The following UGT8 variants were observed in gnomAD, a reference collection of about 807,000 sequenced individuals.
UGT8 encodes 2-hydroxyacylsphingosine 1-beta-galactosyltransferase.
Under a neutral mutation model 40.5 loss-of-function variants are expected in UGT8, and 12 were observed. That is an observed-to-expected ratio of 0.30 (90% CI 0.19 to 0.48). The LOEUF (loss-of-function observed/expected upper bound fraction) is 0.48, where lower values mean the gene tolerates loss of function less well. Ranked by LOEUF, UGT8 falls within the 20% of genes least tolerant of loss-of-function variation. UGT8 has a pLI of 0.99. For synonymous variants in UGT8, 224 were observed against 240.4 expected (o/e 0.93, Z 0.63); for missense variants, 513 against 648.7 (o/e 0.79, Z 2.27).
chr4:114,677,258 T>C lies in UGT8; in HGVS notation c.*970T>C, dbSNP rs756753432. The C allele has an allele frequency of 2.0e-5, 3 of 152,240 alleles. No homozygotes were observed. The highest frequency in any genetic ancestry group is 4.4e-5 in the Non-Finnish European group (3 of 68,038). 9.4% of individuals were successfully genotyped at this position (152,240 alleles called of 1,614,324 possible). A position where few individuals can be genotyped will look rare whatever the true frequency, so the allele number is the denominator to read the frequency against. On this transcript the variant is annotated 3_prime_UTR_variant, in exon 6 of 6. Coordinates refer to ENST00000310836, the MANE Select transcript of UGT8 (RefSeq NM_001128174.3). ...ATGTAATTTTTGAATGTTCAGGTGT[T>C]ACATTTCCAAAGTTTAACTTTTAAA... is the stretch of plus-strand genomic sequence containing the variant.
chr4:114,634,844 G>A (rs564972935), intron 2 of UGT8, among the ~76,000 whole-genome samples: 11 of 152,128 alleles, frequency 7.2e-5, no homozygotes, highest in African/African-American at 2.6e-4. Context: ...CTTCAGTGAT[G>A]GTGTGAAAGA....
chr4:114,675,216 T>TC (rs1735550300), intron 5 of UGT8, among the ~76,000 whole-genome samples: 1 of 152,226 alleles, frequency 6.6e-6, no homozygotes, highest in African/African-American at 2.4e-5. Flanking sequence ...TATCTTTTTC[T>TC]CCATCTTTCT....
chr4:114,636,933 G>T (rs1353853017), intron 2 of UGT8, among the ~76,000 whole-genome samples: 3 of 152,138 alleles, frequency 2.0e-5, no homozygotes, highest in Non-Finnish European at 4.4e-5. Flanking sequence ...AAGAATGAGG[G>T]AAAAGACATT....
chr4:114,658,102 A>AT (rs1199063306), intron 2 of UGT8, among the ~76,000 whole-genome samples: 2 of 152,290 alleles, frequency 1.3e-5, no homozygotes, highest in East Asian at 1.9e-4. Flanking sequence ...ATATCCCAAG[A>AT]TTTTTTTAAG....
At chr4:114,657,814 T>A (rs1311099338) in intron 2 of UGT8, among the ~76,000 whole-genome samples, 1 of 152,186 alleles carries the variant, frequency 6.6e-6, no homozygotes, top group Non-Finnish European at 1.5e-5. Flanking sequence ...TTTATATATT[T>A]AATCTCATTT....
At chr4:114,665,370 G>A (rs1734793721) in intron 3 of UGT8, 1 of 985,040 alleles carries the variant, frequency 1.0e-6, no homozygotes, top group African/African-American at 1.7e-5. Context: ...TTCTAGTGTA[G>A]GTTTATTTGT....
chr4:114,611,201 A>G (rs150719705), intron 1 of UGT8, among the ~76,000 whole-genome samples: 11 of 152,032 alleles, frequency 7.2e-5, no homozygotes, highest in Admixed American at 7.2e-4. Context: ...GTAAAGCCTT[A>G]ATCTCAGTTG....
chr4:114,651,315 C>T (rs1358096549), intron 2 of UGT8, among the ~76,000 whole-genome samples: 2 of 152,046 alleles, frequency 1.3e-5, no homozygotes, highest in Non-Finnish European at 2.9e-5. Flanking sequence ...TGACAAGTTA[C>T]GATTGGCTCT....
chr4:114,638,404 C>G (rs1280435491), intron 2 of UGT8, among the ~76,000 whole-genome samples: 1 of 152,130 alleles, frequency 6.6e-6, no homozygotes, highest in Non-Finnish European at 1.5e-5. Context: ...CCATCCCTGA[C>G]TTTTGGATCT....
intron 2 of UGT8, among the ~76,000 whole-genome samples, chr4:114,640,799 T>C (rs924234443): frequency 3.9e-5 from 6 of 152,196 alleles, no homozygotes; most frequent in Non-Finnish European, 7.4e-5. Flanking sequence ...ACTTATTCAC[T>C]ATCATGAGAA....
At chr4:114,670,477 T>A (rs1447267362) in intron 5 of UGT8, among the ~76,000 whole-genome samples, 2 of 149,788 alleles carry the variant, frequency 1.3e-5, no homozygotes, top group Non-Finnish European at 1.5e-5. Context: ...ATGATCAAGT[T>A]GGTTTCATCC....
At chr4:114,646,268 G>A (rs1032947895) in intron 2 of UGT8, among the ~76,000 whole-genome samples, 12 of 151,902 alleles carry the variant, frequency 7.9e-5, no homozygotes, top group African/African-American at 2.9e-4. Context: ...TTGAACAAAA[G>A]AGCAACATAA....
intron 2 of UGT8, among the ~76,000 whole-genome samples, chr4:114,635,869 A>G (rs10003335): frequency 0.05 from 7,686 of 152,236 alleles, 404 homozygotes; most frequent in African/African-American, 0.13. Context: ...TCCAATTTTT[A>G]GAAGCATTAG....
At chr4:114,645,615 AAT>A (rs1733523029) in intron 2 of UGT8, among the ~76,000 whole-genome samples, 1 of 152,210 alleles carries the variant, frequency 6.6e-6, no homozygotes, top group Admixed American at 6.5e-5. Flanking sequence ...TGAAAAGAGA[AAT>A]AGAGACAAGA....
At chr4:114,658,682 GT>G (rs746430321) in intron 2 of UGT8, among the ~76,000 whole-genome samples, 7 of 149,100 alleles carry the variant, frequency 4.7e-5, no homozygotes, top group Non-Finnish European at 8.9e-5. Flanking sequence ...GCATTGGGAT[GT>G]GTTTTACATT....
At chr4:114,612,990 CT>C (rs1014494359) in intron 1 of UGT8, among the ~76,000 whole-genome samples, 12 of 151,976 alleles carry the variant, frequency 7.9e-5, no homozygotes, top group Non-Finnish European at 1.5e-5. Context: ...TTCTTAAACC[CT>C]TTTTTTCCCA....
In UGT8 at chr4:114,664,002, A is replaced by G. The variant is rs1734707716; in HGVS notation, c.830A>G (p.Gln277Arg). Reference sequence around the variant, plus strand: ...CCATGTTTTGATTTACAGGATCTCCAAAGATGGGTAAATGGTGCTAATGAA... The same window carrying G: ...CCATGTTTTGATTTACAGGATCTCCGAAGATGGGTAAATGGTGCTAATGAA... ...KPASPLPEDL[Q>R]RWVNGANEHG... Residue 277 changes from glutamine to arginine, a missense_variant, in exon 3 of 6, where the codon CAA becomes CGA. Gln to Arg is a conservative substitution (Grantham distance 43, BLOSUM62 1). This residue lies in a region of UGT8 where 335 missense variants were observed against 444.8 expected (regional missense o/e 0.75). Coordinates refer to ENST00000310836, the MANE Select transcript of UGT8 (RefSeq NM_001128174.3). 1.2e-6 allele frequency: 2 copies of G among 1,613,878 alleles called. No individual in the cohort carries two copies. Among genetic ancestry groups the G allele is most frequent in the Non-Finnish European group, 1.7e-6 (2 of 1,179,868 alleles).
intron 2 of UGT8, among the ~76,000 whole-genome samples, chr4:114,628,809 A>G (rs1732403756): frequency 1.8e-5 from 1 of 54,294 alleles, no homozygotes; most frequent in African/African-American, 4.2e-5. Context: ...GGAGATATTC[A>G]CTGTTTGTCA....
At chr4:114,663,279 ACT>A (rs1734663893) in intron 2 of UGT8, among the ~76,000 whole-genome samples, 1 of 151,996 alleles carries the variant, frequency 6.6e-6, no homozygotes, top group South Asian at 2.1e-4. Flanking sequence ...GTGGCAGCTC[ACT>A]CTACACATTA....
Sources: allele counts gnomAD v4.1 joint callset (sites outside exome capture counted in the v4.1 genomes callset), GRCh38; gene constraint gnomAD v4.1.1; regional missense constraint gnomAD v4.1.1; transcripts MANE v1.5; gene names NCBI Gene and HGNC (gene_info 2026-07-23, HGNC 2026-07-21).